Variants in PLA2G4C observed in about 807,000 individuals in gnomAD.
PLA2G4C encodes cytosolic phospholipase A2 gamma.
PLA2G4C carries 64 observed loss-of-function variants against 73.8 expected under a neutral mutation model. That is an observed-to-expected ratio of 0.87 (90% CI 0.71 to 1.07). The LOEUF (loss-of-function observed/expected upper bound fraction) is 1.07. PLA2G4C is among the 50% of genes least tolerant of loss of function. The pLI is 0.00. For synonymous variants in PLA2G4C, 254 were observed against 252.1 expected, an observed-to-expected ratio of 1.01 and a Z score of -0.07; for missense variants, 622 against 665.4, an observed-to-expected ratio of 0.93 and a Z score of 0.72.
In PLA2G4C at chr19:48,074,840, A is replaced by G. The variant is rs762753502; in HGVS notation, c.933T>C (p.Thr311=). The change falls in exon 12 of 17, where the codon ACT becomes ACC. Residue 311 remains threonine (T), a synonymous_variant. Transcript: ENST00000599921. ...EGGEPEHTWL[T]EMLENWTRTS... is the part of the protein sequence containing the mutation. Reference sequence around the variant, plus strand: ...TCCTGGTCCAATTCTCGAGCATCTCAGTCAGCCAGGTGTGTTCAGGCTCAC... The same window carrying G: ...TCCTGGTCCAATTCTCGAGCATCTCGGTCAGCCAGGTGTGTTCAGGCTCAC... 3.7e-6 allele frequency: 6 copies of G among 1,610,766 alleles called. No homozygotes were observed. The East Asian group carries it at 1.3e-4, about 36-fold the overall frequency.
intron 14 of PLA2G4C, among the ~76,000 whole-genome samples, chr19:48,060,600 C>A (rs56949585): frequency 0.041 from 6,203 of 152,268 alleles, 447 homozygotes; most frequent in African/African-American, 0.14. Context: ...GATGAGAAAA[C>A]TGAGGTTCAG....
At chr19:48,049,547 C>T (rs1407608187) in intron 16 of PLA2G4C, among the ~76,000 whole-genome samples, 2 of 152,184 alleles carry the variant, frequency 1.3e-5, no homozygotes, top group East Asian at 3.9e-4. Flanking sequence ...CTCATCTGAC[C>T]TGTATGCAGC....
chr19:48,064,245 A>G (rs1387074577), intron 13 of PLA2G4C, among the ~76,000 whole-genome samples: 1 of 152,146 alleles, frequency 6.6e-6, no homozygotes, highest in Non-Finnish European at 1.5e-5. Context: ...CCTGACCAAC[A>G]TGGTGAAATC....
chr19:48,053,369 T>C lies in PLA2G4C; in HGVS notation c.1430-222A>G, dbSNP rs112532836. 1.6e-3 allele frequency among the ~76,000 whole-genome samples: 146 copies of C among 92,852 alleles called. 1 individual carries two copies. Among genetic ancestry groups the C allele is most frequent in the East Asian group, 4.4e-3 (19 of 4,274 alleles). 60.9% of individuals were successfully genotyped at this position (92,852 alleles called of 152,430 possible). A position where few individuals can be genotyped will look rare whatever the true frequency, so the allele number is the denominator to read the frequency against. ...GCCCCTTCCGGTCCTTTTTTCTTTT[T>C]TTTTTTTTTTTTTTTTTGAGACAGA... is the stretch of plus-strand genomic sequence containing the variant. On this transcript the variant is annotated intron_variant, in intron 15 of 16. Coordinates refer to ENST00000599921, the MANE Select transcript of PLA2G4C (RefSeq NM_003706.3).
intron 14 of PLA2G4C, among the ~76,000 whole-genome samples, chr19:48,059,764 CTTT>C (rs571325645): frequency 8.2e-6 from 1 of 122,454 alleles, no homozygotes. Flanking sequence ...GGCTTCCCTA[CTTT>C]TTTTTTTTTT....
chr19:48,088,612 G>A, intron 9 of PLA2G4C, 74 bp downstream of exon 9: 1 of 1,001,986 alleles, frequency 1.0e-6, no homozygotes, highest in Non-Finnish European at 1.6e-6. Context: ...AATGTTCCTA[G>A]GACAATGGCT....
At chr19:48,109,091 A>C (rs926250666) in intron 1 of PLA2G4C, among the ~76,000 whole-genome samples, 1 of 152,178 alleles carries the variant, frequency 6.6e-6, no homozygotes, top group Admixed American at 6.5e-5. Flanking sequence ...CTAGCCTGTG[A>C]GGTTAGAAAC....
In PLA2G4C at chr19:48,085,099, C is replaced by T; in HGVS notation, c.804G>A (p.Arg268=). The change falls in exon 10 of 17, where the codon AGG becomes AGA. Residue 268 remains arginine, a synonymous_variant. Transcript: ENST00000599921. ...RNLTLKGLWR[R]AVANAKSIGH... Reference sequence around the variant, plus strand: ...CAATGCTTTTAGCATTAGCAACAGCCCTTCTCCATAAACCTGCCAAGAAAA... The same window carrying T: ...CAATGCTTTTAGCATTAGCAACAGCTCTTCTCCATAAACCTGCCAAGAAAA... 1.9e-6 allele frequency: 3 copies of T among 1,611,854 alleles called. No individual in the cohort carries two copies. Among genetic ancestry groups the T allele is most frequent in the Non-Finnish European group, 2.5e-6 (3 of 1,177,960 alleles).
At chr19:48,052,247 GAT>G (rs1967755484) in intron 16 of PLA2G4C, 1 of 152,212 alleles carries the variant, frequency 6.6e-6, no homozygotes, top group African/African-American at 2.4e-5. Flanking sequence ...CTTTCACAGA[GAT>G]ATGGTTTGGC....
chr19:48,055,389 G>GTATATATATATATA (rs4002927), intron 14 of PLA2G4C, among the ~76,000 whole-genome samples: 1,489 of 132,526 alleles, frequency 0.011, 48 homozygotes, highest in African/African-American at 0.026. Flanking sequence ...CATCTCTACA[G>GTATATATATATATA]TATATATATA....
At position 48,054,936 on chromosome 19, in the gene PLA2G4C, T is replaced by C. The variant is rs1179362037; in HGVS notation, c.1371A>G (p.Lys457=). The C allele has an allele frequency of 2.5e-6, 4 of 1,613,872 alleles. No homozygotes were observed. Among genetic ancestry groups the C allele is most frequent in the Admixed American group, 3.3e-5 (2 of 59,964 alleles). The change falls in exon 15 of 17, where the codon AAA becomes AAG. Residue 457 remains lysine, a synonymous_variant. Coordinates refer to ENST00000599921, the MANE Select transcript of PLA2G4C (RefSeq NM_003706.3). ...SKAPASCYIL[K]GETGPVVMHF... is the part of the protein sequence containing the mutation. ...GCATCACCACTGGTCCAGTTTCTCC[T>C]TTCAGGATGTAGCAGCTGGCGGGGG...
At chr19:48,092,622 G>A (rs1205522666) in intron 7 of PLA2G4C, among the ~76,000 whole-genome samples, 2 of 152,294 alleles carry the variant, frequency 1.3e-5, no homozygotes, top group Admixed American at 6.5e-5. Flanking sequence ...GATGAACTTC[G>A]AAGTCATTTT....
chr19:48,057,672 T>A (rs1456329786), intron 14 of PLA2G4C, among the ~76,000 whole-genome samples: 1 of 150,538 alleles, frequency 6.6e-6, no homozygotes, highest in Non-Finnish European at 1.5e-5. Context: ...GTATTTTTAG[T>A]AGAGACAGGG....
chr19:48,059,366 C>T (rs148196674), intron 14 of PLA2G4C, among the ~76,000 whole-genome samples: 4 of 152,084 alleles, frequency 2.6e-5, no homozygotes, highest in East Asian at 3.9e-4. Context: ...GTGATTGCCT[C>T]GATGTGTAAT....
chr19:48,059,061 AG>A (rs1256749512), intron 14 of PLA2G4C, among the ~76,000 whole-genome samples: 1 of 152,070 alleles, frequency 6.6e-6, no homozygotes, highest in African/African-American at 2.4e-5. Context: ...TCACAAGGTC[AG>A]GAGTTCAAGA....
At chr19:48,074,056 G>A (rs1016757361) in intron 12 of PLA2G4C, among the ~76,000 whole-genome samples, 6 of 151,950 alleles carry the variant, frequency 3.9e-5, no homozygotes, top group African/African-American at 9.7e-5. Flanking sequence ...GTGCCATGGC[G>A]GTTTGCTGCA....
rs558553749 is a variant in PLA2G4C, at chr19:48,053,219, A to G, written c.1430-72T>C. 1.1e-5 allele frequency: 14 copies of G among 1,264,460 alleles called. No individual in the cohort carries two copies. The South Asian group carries it at 1.6e-4, about 14-fold the overall frequency. 78.3% of individuals were successfully genotyped at this position (1,264,460 alleles called of 1,614,324 possible). A position where few individuals can be genotyped will look rare whatever the true frequency, so the allele number is the denominator to read the frequency against. ...CAATTAATTCTGCAGATTTTTGTCT[A>G]TTTACATCAGGGCTTGGCAAACTAC... On this transcript the variant is annotated intron_variant, in intron 15 of 16. Coordinates refer to ENST00000599921, the MANE Select transcript of PLA2G4C (RefSeq NM_003706.3).
intron 10 of PLA2G4C, among the ~76,000 whole-genome samples, chr19:48,080,442 G>A (rs2030471409): frequency 6.6e-6 from 1 of 152,144 alleles, no homozygotes; most frequent in Non-Finnish European, 1.5e-5. Context: ...AGAACTAAAA[G>A]TAGATCTACC....
intron 5 of PLA2G4C, among the ~76,000 whole-genome samples, chr19:48,099,284 T>C (rs180763088): frequency 4.6e-4 from 70 of 151,820 alleles, no homozygotes; most frequent in Middle Eastern, 6.8e-3. Context: ...TAAAATGAAA[T>C]AAAATAAAAT....
Sources: allele counts gnomAD v4.1 joint callset (sites outside exome capture counted in the v4.1 genomes callset), GRCh38; gene constraint gnomAD v4.1.1; transcripts MANE v1.5; gene names NCBI Gene and HGNC (gene_info 2026-07-23, HGNC 2026-07-21).